The following EPB41L3 variants were observed in gnomAD, a reference collection of about 807,000 sequenced individuals.
EPB41L3 encodes erythrocyte membrane protein band 4.1 like 3.
Under a neutral mutation model 127.1 loss-of-function variants are expected in EPB41L3, and 57 were observed. The observed-to-expected ratio is 0.45, with a 90% CI of 0.36 to 0.56. The LOEUF is 0.56. EPB41L3 is among the 20% of genes least tolerant of loss of function. The pLI is 0.00. For synonymous variants in EPB41L3, 572 were observed against 549.5 expected (o/e 1.04, Z -0.57); for missense variants, 1,273 against 1,372.2 (o/e 0.93, Z 1.14).
chr18:5,410,741 G>T, intron 13 of EPB41L3, 122 bp from the exon 14 acceptor site: 1 of 716,172 alleles, frequency 1.4e-6, no homozygotes, highest in Non-Finnish European at 2.4e-6. Context: ...ATTTCTCTGT[G>T]TCACACTACC....
intron 1 of EPB41L3, among the ~76,000 whole-genome samples, chr18:5,526,419 C>T (rs2093223439): frequency 6.6e-6 from 1 of 152,212 alleles, no homozygotes; most frequent in Non-Finnish European, 1.5e-5. Flanking sequence ...CAACGAGACA[C>T]ATTCAAATCA....
chr18:5,479,862 G>A (rs1357781141), intron 2 of EPB41L3: 1 of 152,112 alleles, frequency 6.6e-6, no homozygotes, highest in Non-Finnish European at 1.5e-5. Context: ...AATAGTAAGT[G>A]CAAGAAAATC....
At position 5,609,936 on chromosome 18, in the gene EPB41L3, A is replaced by T. The variant is rs7237772; in HGVS notation, c.-306+2404T>A. Among the ~76,000 whole-genome samples, 678 of 152,264 alleles carry T rather than the reference A, an allele frequency of 4.5e-3. 4 individuals carry two copies. Among genetic ancestry groups the T allele is most frequent in the African/African-American group, 0.015 (625 of 41,566 alleles). The stretch of plus-strand genomic sequence containing the variant: ...ATTGAATATGATTCATCTTCGTTTC[A>T]TTTGAGTTTGGGTGCTGCTGAAAGG... On this transcript the variant is annotated intron_variant, in intron 3 of 21. Transcript: ENST00000545076.
chr18:5,489,437 C>G (rs1295972632), intron 1 of EPB41L3: 5 of 449,130 alleles, frequency 1.1e-5, no homozygotes, highest in Non-Finnish European at 1.5e-5. Context: ...TGATCACAGG[C>G]TTTATTCCTA....
At chr18:5,544,062 G>A, upstream of EPB41L3, 1 of 985,530 alleles carries the variant, frequency 1.0e-6, no homozygotes, top group Non-Finnish European at 1.2e-6. Flanking sequence ...CCTGTTGCAG[G>A]AGACACCGAG....
upstream of EPB41L3, chr18:5,630,301 C>T (rs776780119): frequency 2.0e-6 from 1 of 505,768 alleles, no homozygotes; most frequent in Non-Finnish European, 3.9e-6. Flanking sequence ...AGGCGGCCCG[C>T]ACCCGCGCCC....
chr18:5,416,463 C>T, intron 12 of EPB41L3, 85 bp from the exon 13 acceptor site: 1 of 1,367,682 alleles, frequency 7.3e-7, no homozygotes, highest in Admixed American at 2.7e-5. Flanking sequence ...AGTTAATTTT[C>T]TTATGGGTAT....
intron 3 of EPB41L3, among the ~76,000 whole-genome samples, chr18:5,449,614 G>A (rs973899044): frequency 1.3e-5 from 2 of 152,192 alleles, no homozygotes; most frequent in African/African-American, 4.8e-5. Context: ...ACAAACTGTG[G>A]TGCATCCAGA....
intron 1 of EPB41L3, among the ~76,000 whole-genome samples, chr18:5,621,297 T>C (rs1441654729): frequency 2.6e-5 from 4 of 152,120 alleles, no homozygotes; most frequent in Non-Finnish European, 4.4e-5. Context: ...CTAAACCCAG[T>C]TGGGAGAAAT....
intron 1 of EPB41L3, among the ~76,000 whole-genome samples, chr18:5,494,822 G>A (rs2090990417): frequency 6.6e-6 from 1 of 152,194 alleles, no homozygotes; most frequent in Admixed American, 6.5e-5. Flanking sequence ...GGGTGCGTGA[G>A]AGTGATGAGA....
intron 12 of EPB41L3, among the ~76,000 whole-genome samples, chr18:5,419,161 T>C (rs1598701767): frequency 6.6e-6 from 1 of 152,234 alleles, no homozygotes; most frequent in African/African-American, 2.4e-5. Context: ...AAGAAGCTGC[T>C]GCCAAATTCC....
rs762625527 is a variant in EPB41L3, at chr18:5,478,238, T to C, written c.381+3A>G. On this transcript the variant is annotated splice_donor_region_variant and intron_variant, in intron 3 of 22. Transcript: ENST00000341928. ...ACAGAAAAGTCTTAAGACACACACT[T>C]ACCTCTACATCACAGGTATATTCTG... is the stretch of plus-strand genomic sequence containing the variant. The C allele has an allele frequency of 6.2e-7, 1 of 1,613,922 alleles. No individual in the cohort carries two copies. The highest frequency in any genetic ancestry group is 8.5e-7 in the Non-Finnish European group (1 of 1,179,816).
chr18:5,457,733 T>C (rs1704677064), intron 3 of EPB41L3, among the ~76,000 whole-genome samples: 1 of 152,102 alleles, frequency 6.6e-6, no homozygotes, highest in Non-Finnish European at 1.5e-5. Context: ...CCTCGCTCCC[T>C]GTGAGGCTCT....
chr18:5,455,738 C>A (rs919604985), intron 3 of EPB41L3, among the ~76,000 whole-genome samples: 2 of 150,520 alleles, frequency 1.3e-5, no homozygotes, highest in Admixed American at 1.3e-4. Context: ...CAGTGAAGCA[C>A]GCTTCTTCTT....
intron 4 of EPB41L3, among the ~76,000 whole-genome samples, chr18:5,444,240 T>C (rs2081174755): frequency 6.6e-6 from 1 of 152,232 alleles, no homozygotes; most frequent in Non-Finnish European, 1.5e-5. Context: ...GATACACTGA[T>C]ATCCTAGCCA....
intron 3 of EPB41L3, among the ~76,000 whole-genome samples, chr18:5,583,661 C>T (rs2094415965): frequency 6.6e-6 from 1 of 152,082 alleles, no homozygotes; most frequent in Non-Finnish European, 1.5e-5. Context: ...ATATTTAATG[C>T]AATAGTGTTT....
chr18:5,585,310 G>A (rs939866717), intron 3 of EPB41L3, among the ~76,000 whole-genome samples: 10 of 151,950 alleles, frequency 6.6e-5, no homozygotes, highest in Non-Finnish European at 1.0e-4. Context: ...AATATTTATG[G>A]TTTTTTTGGT....
At chr18:5,413,349 GA>G (rs1427985170) in intron 13 of EPB41L3, among the ~76,000 whole-genome samples, 3 of 151,990 alleles carry the variant, frequency 2.0e-5, no homozygotes, top group African/African-American at 7.3e-5. Context: ...AAGTACAAAA[GA>G]AAAAACATGA....
At chr18:5,462,849 G>T (rs2084269257) in intron 3 of EPB41L3, among the ~76,000 whole-genome samples, 1 of 152,180 alleles carries the variant, frequency 6.6e-6, no homozygotes, top group Admixed American at 6.5e-5. Context: ...ATACCCAGTT[G>T]CAATAGTAGA....
Sources: gnomAD v4.1 joint callset for allele counts (sites outside exome capture counted in the v4.1 genomes callset) on GRCh38, gnomAD v4.1.1 for gene constraint, MANE v1.5 for transcripts, NCBI Gene and HGNC (gene_info 2026-07-23, HGNC 2026-07-21) for gene names.